Variants in CTCF observed in about 807,000 individuals in gnomAD.
CTCF encodes CCCTC-binding factor, also known as transcriptional repressor CTCF.
CTCF carries 7 observed loss-of-function variants against 72.3 expected under a neutral mutation model. The ratio of observed to expected loss-of-function variants is 0.10; its 90% CI spans 0.06 to 0.18. The LOEUF (loss-of-function observed/expected upper bound fraction) is 0.18. Among genes scored for constraint, CTCF ranks in the 10% least tolerant of loss-of-function variants. The pLI is 1.00. For missense variants in CTCF, 516 were observed against 949.1 expected (o/e 0.54, Z 6.00); for synonymous variants, 374 against 315.8 (o/e 1.18, Z -1.95).
chr16:67,626,620 G>C lies in CTCF; in HGVS notation c.1423G>C (p.Val475Leu). 1 of 1,578,172 alleles carries C rather than the reference G, an allele frequency of 6.3e-7. No homozygotes were observed. ...CAAGAAATGCCGTTACTGTGATGCTGTGTTTCATGAGCGCTATGCCCTCAT... is the reference window on the plus strand; with the variant it reads ...CAAGAAATGCCGTTACTGTGATGCTCTGTTTCATGAGCGCTATGCCCTCAT... Reference protein sequence around the residue: ...QGKKCRYCDAVFHERYALIQH... With the variant: ...QGKKCRYCDALFHERYALIQH... Residue 475 changes from valine (V) to leucine (L), a missense_variant, in exon 8 of 12, where the codon GTG (valine) becomes CTG (leucine). Around this residue, in one of 7 missense-constraint regions of CTCF, gnomAD observed 81 missense variants for 184.3 expected, o/e 0.44. Transcript: ENST00000264010.
At position 67,586,501 on chromosome 16, in the gene CTCF, A is replaced by C. The variant is rs1272952693; in HGVS notation, c.-10+15237A>C. Among the ~76,000 whole-genome samples, 6 of 149,918 alleles carry C rather than the reference A, an allele frequency of 4.0e-5. No individual in the cohort carries two copies. The Admixed American group carries it at 4.0e-4, about 10-fold the overall frequency. ...CAGTGAGCCGAGATCGCGCCACTGC[A>C]CTCCAGCCTGGGCGACAGAGTGAGA... is the stretch of plus-strand genomic sequence containing the variant. On this transcript the variant is annotated intron_variant, in intron 2 of 11. Transcript: ENST00000264010.
intron 9 of CTCF, among the ~76,000 whole-genome samples, 172 bp from the exon 10 acceptor site, chr16:67,629,226 C>G (rs1034774598): frequency 6.6e-6 from 1 of 152,086 alleles, no homozygotes; most frequent in Non-Finnish European, 1.5e-5. Flanking sequence ...TGAGCCTCCC[C>G]TTAGAGAACC....
At chr16:67,622,937 C>T (rs1018241081) in intron 7 of CTCF, among the ~76,000 whole-genome samples, 5 of 149,032 alleles carry the variant, frequency 3.4e-5, no homozygotes, top group African/African-American at 1.2e-4. Flanking sequence ...GCTGGGATTA[C>T]AGACATGAGC....
intron 1 of CTCF, chr16:67,568,227 C>T (rs1390609455): frequency 1.3e-5 from 2 of 150,440 alleles, no homozygotes; most frequent in African/African-American, 2.5e-5. Context: ...TTACAGGTGC[C>T]TGCCACCGTG....
chr16:67,575,032 G>A (rs183487575), intron 2 of CTCF, among the ~76,000 whole-genome samples: 21 of 152,252 alleles, frequency 1.4e-4, no homozygotes, highest in Admixed American at 9.8e-4. Flanking sequence ...AACATAAGTG[G>A]CATTTAAGAA....
intron 2 of CTCF, among the ~76,000 whole-genome samples, chr16:67,598,212 A>G (rs2051840424): frequency 6.6e-6 from 1 of 152,134 alleles, no homozygotes; most frequent in African/African-American, 2.4e-5. Flanking sequence ...TCCTGTGCTC[A>G]AGCAATCCAC....
At chr16:67,603,375 AAAAC>A (rs1387642528) in intron 2 of CTCF, among the ~76,000 whole-genome samples, 5 of 151,916 alleles carry the variant, frequency 3.3e-5, no homozygotes, top group African/African-American at 4.8e-5. Context: ...TAAAAATACA[AAAAC>A]AAAATTAGCT....
At chr16:67,605,825 CAG>C (rs1430317233) in intron 2 of CTCF, among the ~76,000 whole-genome samples, 1 of 152,092 alleles carries the variant, frequency 6.6e-6, no homozygotes, top group Non-Finnish European at 1.5e-5. Flanking sequence ...AGAGTGAAGA[CAG>C]GGAGATGACA....
chr16:67,579,388 C>G (rs1265659289), intron 2 of CTCF, among the ~76,000 whole-genome samples: 1 of 150,484 alleles, frequency 6.6e-6, no homozygotes, highest in Non-Finnish European at 1.5e-5. Flanking sequence ...CGGAGTCTTG[C>G]TGCTCTGTCA....
At chr16:67,566,023 T>TTA (rs1238100557) in intron 1 of CTCF, among the ~76,000 whole-genome samples, 1 of 152,208 alleles carries the variant, frequency 6.6e-6, no homozygotes, top group Non-Finnish European at 1.5e-5. Flanking sequence ...ATCATCTACG[T>TTA]TATAGACTCC....
chr16:67,633,108 G>A (rs750353333), intron 10 of CTCF, among the ~76,000 whole-genome samples: 1 of 152,198 alleles, frequency 6.6e-6, no homozygotes, highest in African/African-American at 2.4e-5. Context: ...TAAAATGAGG[G>A]TAACACCCTC....
intron 2 of CTCF, among the ~76,000 whole-genome samples, chr16:67,590,383 T>A (rs993459572): frequency 3.9e-5 from 6 of 152,142 alleles, no homozygotes; most frequent in African/African-American, 7.2e-5. Flanking sequence ...GGAGGGGAGA[T>A]TGTTAACAAA....
intron 2 of CTCF, among the ~76,000 whole-genome samples, chr16:67,606,021 T>G (rs574311410): frequency 1.1e-3 from 168 of 152,292 alleles, no homozygotes; most frequent in African/African-American, 3.6e-3. Context: ...AAATTAAGTC[T>G]TCTTCTTTGT....
chr16:67,567,890 C>CTT (rs55719441), intron 1 of CTCF: 2,133 of 55,450 alleles, frequency 0.038, 206 homozygotes, highest in Non-Finnish European at 0.045. Context: ...CCATACTCGG[C>CTT]TTTTTTTTTT....
At chr16:67,617,453 C>T (rs2052146523) in intron 5 of CTCF, among the ~76,000 whole-genome samples, 1 of 152,122 alleles carries the variant, frequency 6.6e-6, no homozygotes, top group African/African-American at 2.4e-5. Context: ...GAGCTGAAAT[C>T]ACGCCACTGC....
chr16:67,612,342 AG>A, intron 4 of CTCF: 1 of 381,558 alleles, frequency 2.6e-6, no homozygotes, highest in Admixed American at 4.6e-5. Flanking sequence ...CTTAAAAAAA[AG>A]AAGTCTCAGG....
intron 2 of CTCF, among the ~76,000 whole-genome samples, chr16:67,577,018 C>G (rs948321830): frequency 6.6e-6 from 1 of 151,988 alleles, no homozygotes. Flanking sequence ...TGTATAAAAC[C>G]TATAGGTAGG....
At chr16:67,597,616 C>T (rs1229338143) in intron 2 of CTCF, among the ~76,000 whole-genome samples, 1 of 152,178 alleles carries the variant, frequency 6.6e-6, no homozygotes, top group Non-Finnish European at 1.5e-5. Flanking sequence ...AGATTACAGG[C>T]GTGAGCCACC....
intron 4 of CTCF, among the ~76,000 whole-genome samples, chr16:67,612,753 C>T (rs886842948): frequency 2.0e-5 from 3 of 151,822 alleles, no homozygotes; most frequent in Non-Finnish European, 2.9e-5. Context: ...GCCAACGTGA[C>T]AAAATCACAT....
Sources: allele counts gnomAD v4.1 joint callset (sites outside exome capture counted in the v4.1 genomes callset), GRCh38; gene constraint gnomAD v4.1.1; regional missense constraint gnomAD v4.1.1; transcripts MANE v1.5; gene names NCBI Gene and HGNC (gene_info 2026-07-23, HGNC 2026-07-21).